The following SRSF11 variants were observed in gnomAD, a reference collection of about 807,000 sequenced individuals.
SRSF11 encodes the protein serine and arginine rich splicing factor 11.
In SRSF11, 9 loss-of-function variants were observed where a neutral mutation model predicts 56.0. The observed-to-expected ratio is 0.16, with a 90% CI of 0.10 to 0.28. The LOEUF (loss-of-function observed/expected upper bound fraction) is 0.28. SRSF11 is among the 10% of genes least tolerant of loss of function. The pLI is 1.00. For synonymous variants in SRSF11, 222 were observed against 215.3 expected (o/e 1.03, Z -0.27); for missense variants, 421 against 600.7 (o/e 0.70, Z 3.13).
intron 4 of SRSF11, 55 bp downstream of exon 4, chr1:70,234,843 T>A (rs1673598842): frequency 1.4e-6 from 2 of 1,430,612 alleles, no homozygotes; most frequent in South Asian, 2.6e-5. Context: ...ATCTGTTTCA[T>A]TAACTGTTGG....
chr1:70,208,964 A>C (rs1295309417), intron 1 of SRSF11, among the ~76,000 whole-genome samples: 3 of 152,224 alleles, frequency 2.0e-5, no homozygotes, highest in Non-Finnish European at 4.4e-5. Context: ...CTCCTGTGTC[A>C]AGGCTGGAGA....
chr1:70,206,889 C>CTTTTTTTTTTTTTTTT (rs755835751), intron 1 of SRSF11, among the ~76,000 whole-genome samples: 1 of 119,006 alleles, frequency 8.4e-6, no homozygotes, highest in African/African-American at 3.1e-5. Flanking sequence ...GGATTTTTGT[C>CTTTTTTTTTTTTTTTT]TTTTTTTTTT....
At chr1:70,228,021 T>G (rs898423247) in intron 1 of SRSF11, among the ~76,000 whole-genome samples, 1 of 152,214 alleles carries the variant, frequency 6.6e-6, no homozygotes, top group African/African-American at 2.4e-5. Flanking sequence ...GTCCCTGATA[T>G]AAAAATTGTT....
rs1233380533 is a variant in SRSF11 at position 70,235,578 on chromosome 1, G to A, written c.590+28G>A. 6.9e-6 allele frequency: 11 copies of A among 1,601,904 alleles called. No homozygotes were observed. The East Asian group carries it at 2.2e-4, about 33-fold the overall frequency. On this transcript the variant is annotated intron_variant, in intron 5 of 11. Transcript: ENST00000370949. Reference sequence around the variant, plus strand: ...AAGCGTTTTTTCTTTGTTTTCATTGGTGATGTGGTATCTGAATGTCTACAG... The same window carrying A: ...AAGCGTTTTTTCTTTGTTTTCATTGATGATGTGGTATCTGAATGTCTACAG...
chr1:70,211,847 A>T (rs1448787069), intron 1 of SRSF11, among the ~76,000 whole-genome samples: 1 of 152,196 alleles, frequency 6.6e-6, no homozygotes, highest in Non-Finnish European at 1.5e-5. Flanking sequence ...TTTTTCACTC[A>T]ACATTACATT....
chr1:70,220,169 T>C (rs1036044449), upstream of SRSF11, among the ~76,000 whole-genome samples: 15 of 152,360 alleles, frequency 9.8e-5, no homozygotes, highest in Admixed American at 6.5e-5. Context: ...AATAAATACA[T>C]GTATCTTCTG....
intron 7 of SRSF11, among the ~76,000 whole-genome samples, chr1:70,242,585 C>G (rs990434885): frequency 6.6e-6 from 1 of 151,692 alleles, no homozygotes; most frequent in South Asian, 2.1e-4. Context: ...GTGACAGATA[C>G]AAGCCACTGA....
chr1:70,221,922 G>T, intron 1 of SRSF11, 83 bp downstream of exon 1: 1 of 1,551,636 alleles, frequency 6.4e-7, no homozygotes, highest in South Asian at 1.2e-5. Flanking sequence ...GGCCCCTGTC[G>T]CTGCTTCCCC....
At position 70,232,764 on chromosome 1, in the gene SRSF11, CTGT is replaced by C. The variant is rs910114582; in HGVS notation, c.447+389_447+391del. Among the ~76,000 whole-genome samples, 171 of 151,946 alleles carry C rather than the reference CTGT, an allele frequency of 1.1e-3. 1 individual carries two copies. The highest frequency in any genetic ancestry group is 3.6e-3 in the African/African-American group (150 of 41,436). ...TTTTTTCCTTCCCCTTTATCTTTTCCTGTTATTTGGGGGGTTTTGAATTACATA... is the reference window on the plus strand; with the variant it reads ...TTTTTTCCTTCCCCTTTATCTTTTCCTATTTGGGGGGTTTTGAATTACATA... On this transcript the variant is annotated intron_variant, in intron 3 of 11. Transcript: ENST00000370949.
chr1:70,250,247 A>G (rs1213986190), intron 10 of SRSF11, 118 bp from the exon 11 acceptor site: 51 of 1,485,760 alleles, frequency 3.4e-5, no homozygotes, highest in Admixed American at 1.5e-4. Context: ...AGCCTGTGTT[A>G]CTTCTCCAAG....
intron 5 of SRSF11, among the ~76,000 whole-genome samples, chr1:70,236,292 T>C (rs1673990093): frequency 6.6e-6 from 1 of 151,920 alleles, no homozygotes; most frequent in Non-Finnish European, 1.5e-5. Context: ...AACTACTAAA[T>C]TTGTTGTCTA....
chr1:70,237,394 T>C, intron 5 of SRSF11, 31 bp from the exon 6 acceptor site: 3 of 1,607,576 alleles, frequency 1.9e-6, no homozygotes, highest in Non-Finnish European at 2.5e-6. Context: ...TTTTAAAATA[T>C]TTCAGATCCC....
chr1:70,220,918 C>A (rs573013223), upstream of SRSF11: 65 of 152,144 alleles, frequency 4.3e-4, no homozygotes, highest in African/African-American at 1.5e-3. Context: ...TAAAATATAT[C>A]TTTTCTGAAA....
chr1:70,244,078 A>G (rs573511272), intron 7 of SRSF11, among the ~76,000 whole-genome samples: 1 of 152,344 alleles, frequency 6.6e-6, no homozygotes, highest in Admixed American at 6.5e-5. Flanking sequence ...ATATATCTGT[A>G]AAAGGTCTGC....
chr1:70,237,520 C>T lies in SRSF11; in HGVS notation c.686C>T (p.Ala229Val). 6.2e-7 allele frequency: 1 copy of T among 1,613,764 alleles called. No homozygotes were observed. The highest frequency in any genetic ancestry group is 8.5e-7 in the Non-Finnish European group (1 of 1,179,924). The stretch of plus-strand genomic sequence containing the variant: ...GAAGCTATGAAAAGAGTACGAGAAG[C>T]ACAGTCCCTAATTTCTGCTGCTATA... ...IEEAMKRVRE[A>V]QSLISAAIEP... is the part of the protein sequence containing the mutation. Residue 229 changes from alanine (A) to valine (V), a missense_variant, in exon 6 of 12, where the codon GCA (alanine) becomes GTA (valine). Transcript: ENST00000370949.
intron 1 of SRSF11, chr1:70,222,681 T>C (rs926025596): frequency 1.3e-5 from 2 of 152,212 alleles, no homozygotes; most frequent in Non-Finnish European, 2.9e-5. Context: ...GGAAGACTTA[T>C]TGGTGGAGAA....
At chr1:70,239,141 G>A (rs1273797858) in intron 6 of SRSF11, among the ~76,000 whole-genome samples, 1 of 152,072 alleles carries the variant, frequency 6.6e-6, no homozygotes, top group African/African-American at 2.4e-5. Flanking sequence ...GCCGAGGCTG[G>A]AGTGCAGTGG....
At chr1:70,236,779 T>TA (rs1674154464) in intron 5 of SRSF11, among the ~76,000 whole-genome samples, 1 of 149,844 alleles carries the variant, frequency 6.7e-6, no homozygotes, top group Non-Finnish European at 1.5e-5. Context: ...CCCAAAAAAT[T>TA]ACTATGTCAT....
intron 7 of SRSF11, among the ~76,000 whole-genome samples, chr1:70,243,318 T>G (rs575317649): frequency 8.7e-6 from 1 of 115,130 alleles, no homozygotes; most frequent in African/African-American, 3.3e-5. Context: ...CTGTTTTTAA[T>G]CCACATTTGG....
Sources: gnomAD v4.1 joint callset for allele counts (sites outside exome capture counted in the v4.1 genomes callset) on GRCh38, gnomAD v4.1.1 for gene constraint, MANE v1.5 for transcripts, NCBI Gene and HGNC (gene_info 2026-07-23, HGNC 2026-07-21) for gene names.